Variants in AGPAT3 observed in about 807,000 individuals in gnomAD.
AGPAT3 encodes 1-acylglycerol-3-phosphate O-acyltransferase 3, also known as 1-acyl-sn-glycerol-3-phosphate acyltransferase gamma.
Under a neutral mutation model 47.3 loss-of-function variants are expected in AGPAT3, and 5 were observed. The ratio of observed to expected loss-of-function variants is 0.11; its 90% CI spans 0.06 to 0.22. The LOEUF (loss-of-function observed/expected upper bound fraction) is 0.22. Among genes scored for constraint, AGPAT3 ranks in the 10% least tolerant of loss-of-function variants. The probability of loss-of-function intolerance (pLI) is 1.00; values close to 1 mark genes in which losing one functional copy is unlikely to be tolerated. For missense variants in AGPAT3, 315 were observed against 493.0 expected (o/e 0.64, Z 3.42); for synonymous variants, 212 against 208.3 (o/e 1.02, Z -0.15).
chr21:43,936,343 G>A (rs1380335769), intron 2 of AGPAT3, among the ~76,000 whole-genome samples: 1 of 152,242 alleles, frequency 6.6e-6, no homozygotes, highest in Non-Finnish European at 1.5e-5. Context: ...GTTTACCGGG[G>A]GCTGTGGACT....
chr21:43,885,840 TGCGCAGGG>T (rs897122344), intron 1 of AGPAT3, among the ~76,000 whole-genome samples: 1 of 139,486 alleles, frequency 7.2e-6, no homozygotes, highest in African/African-American at 2.5e-5. Flanking sequence ...GGTGCGCAGG[TGCGCAGGG>T]CTCCTGTGGG....
intron 1 of AGPAT3, among the ~76,000 whole-genome samples, chr21:43,895,770 T>C (rs1334903789): frequency 1.3e-5 from 2 of 151,918 alleles, no homozygotes; most frequent in African/African-American, 2.4e-5. Context: ...TTCTTTGTTT[T>C]TCGTGGGTTT....
In AGPAT3 at chr21:43,981,072, G is replaced by T; in HGVS notation, c.927G>T (p.Leu309=). ...FKPARRPWTL[L]NFLSWATILL... is the part of the protein sequence containing the mutation. ...CTGCCCGGAGGCCGTGGACCCTCCTGAACTTCCTGTCCTGGGCCACCATTC... is the reference window on the plus strand; with the variant it reads ...CTGCCCGGAGGCCGTGGACCCTCCTTAACTTCCTGTCCTGGGCCACCATTC... The change falls in exon 9 of 10, where the codon CTG becomes CTT. Residue 309 remains leucine, a synonymous_variant. Transcript: ENST00000291572. The surrounding 1 kb of genome is among the most constrained non-coding windows in gnomAD (Gnocchi z 5.3). 1 of 1,614,206 alleles carries T rather than the reference G, an allele frequency of 6.2e-7. No homozygotes were observed.
intron 8 of AGPAT3, among the ~76,000 whole-genome samples, chr21:43,980,209 G>A (rs191242952): frequency 0.011 from 1,619 of 149,198 alleles, 29 homozygotes; most frequent in African/African-American, 0.038. Context: ...CCGGGAGACA[G>A]AGGTTGCAGT....
intron 2 of AGPAT3, among the ~76,000 whole-genome samples, chr21:43,944,684 A>T (rs1293651281): frequency 6.6e-6 from 1 of 152,110 alleles, no homozygotes; most frequent in African/African-American, 2.4e-5. Context: ...GTGCAGTGGG[A>T]TTATTAGGGA....
intron 3 of AGPAT3, among the ~76,000 whole-genome samples, chr21:43,962,982 G>C (rs2088949099): frequency 6.6e-6 from 1 of 152,014 alleles, no homozygotes; most frequent in South Asian, 2.1e-4. Context: ...TTACAGACAG[G>C]TTTTGTATCA....
intron 8 of AGPAT3, among the ~76,000 whole-genome samples, chr21:43,978,857 C>G (rs1180635453): frequency 6.6e-6 from 1 of 152,186 alleles, no homozygotes; most frequent in East Asian, 1.9e-4. Flanking sequence ...TTACTCAGCC[C>G]AAGAACTACT....
intron 3 of AGPAT3, among the ~76,000 whole-genome samples, chr21:43,963,955 A>G (rs2089003236): frequency 1.3e-5 from 2 of 152,282 alleles, no homozygotes; most frequent in South Asian, 2.1e-4. Flanking sequence ...TTTACTGCCC[A>G]TAGATCTTCA....
At chr21:43,937,810 A>G (rs2146338236) in intron 2 of AGPAT3, among the ~76,000 whole-genome samples, 1 of 152,212 alleles carries the variant, frequency 6.6e-6, no homozygotes, top group Non-Finnish European at 1.5e-5. Flanking sequence ...CTCTCTCATT[A>G]ACTATCTCTA....
rs1569090227 is a variant in AGPAT3 at position 43,957,638 on chromosome 21, ATCTCGGGTTTCCCCCTCCACACGGGGG to A, written c.-48-1974_-48-1948del. On this transcript the variant is annotated intron_variant, in intron 2 of 9. Coordinates refer to ENST00000291572, the MANE Select transcript of AGPAT3 (RefSeq NM_020132.5). ...CTCGGGTTTCCCCCTGCACACAGGG[ATCTCGGGTTTCCCCCTCCACACGGGGG>A]TCTCGGGTTTCCCCCTCCACAGGGG... 1.1e-3 allele frequency among the ~76,000 whole-genome samples: 120 copies of A among 106,682 alleles called. 1 individual carries two copies. Among genetic ancestry groups the A allele is most frequent in the African/African-American group, 4.2e-3 (110 of 26,176 alleles). The allele number at this position is 106,682 out of a possible 152,430, so 70.0% of individuals were successfully genotyped here. A position where few individuals can be genotyped will look rare whatever the true frequency, so the allele number is the denominator to read the frequency against.
intron 1 of AGPAT3, among the ~76,000 whole-genome samples, chr21:43,902,111 A>C (rs1186800890): frequency 6.6e-6 from 1 of 152,198 alleles, no homozygotes; most frequent in Non-Finnish European, 1.5e-5. Flanking sequence ...ACCCCAATAC[A>C]CACCATCATC....
chr21:43,930,404 G>A lies in AGPAT3; in HGVS notation c.-49+26385G>A, dbSNP rs2087201568. On this transcript the variant is annotated intron_variant, in intron 2 of 9. Coordinates refer to ENST00000291572, the MANE Select transcript of AGPAT3 (RefSeq NM_020132.5). This position sits in a 1 kb window ranked among gnomAD's most constrained non-coding sequence, Gnocchi z 5.0. ...TGTGCTGAGCGCTGAGGGATCATTTGTGTAAAGCACCTGCCACTGAGTGTG... is the reference window on the plus strand; with the variant it reads ...TGTGCTGAGCGCTGAGGGATCATTTATGTAAAGCACCTGCCACTGAGTGTG... Among the ~76,000 whole-genome samples the A allele has an allele frequency of 6.6e-6, 1 of 152,190 alleles. No homozygotes were observed. Among genetic ancestry groups the A allele is most frequent in the Non-Finnish European group, 1.5e-5 (1 of 68,028 alleles).
At chr21:43,898,841 CT>C (rs1295354231) in intron 1 of AGPAT3, among the ~76,000 whole-genome samples, 1 of 151,866 alleles carries the variant, frequency 6.6e-6, no homozygotes, top group East Asian at 1.9e-4. Context: ...TATTTAAATT[CT>C]TTTTTACTTT....
At chr21:43,951,078 C>G (rs972328206) in intron 2 of AGPAT3, among the ~76,000 whole-genome samples, 3 of 152,184 alleles carry the variant, frequency 2.0e-5, no homozygotes, top group Non-Finnish European at 4.4e-5. Flanking sequence ...TGGAGCTTTC[C>G]CCAGCACCCA....
chr21:43,878,039 C>G (rs2085772441), intron 1 of AGPAT3, among the ~76,000 whole-genome samples: 1 of 152,162 alleles, frequency 6.6e-6, no homozygotes, highest in Admixed American at 6.5e-5. Flanking sequence ...GATCCCATCA[C>G]ACTTGTTCCC....
In AGPAT3 at chr21:43,933,499, T is replaced by G. The variant is rs2087328711; in HGVS notation, c.-48-26135T>G. Among the ~76,000 whole-genome samples, 2 of 152,200 alleles carry G rather than the reference T, an allele frequency of 1.3e-5. No individual in the cohort carries two copies. Among genetic ancestry groups the G allele is most frequent in the South Asian group, 4.2e-4 (2 of 4,818 alleles). ...AATATCGATGATGTCATCATACTCC[T>G]GGCTGCTTCTTGACATTTTCCATGC... On this transcript the variant is annotated intron_variant, in intron 2 of 9. Transcript: ENST00000291572. The surrounding 1 kb of genome is among the most constrained non-coding windows in gnomAD (Gnocchi z 6.0).
chr21:43,913,776 C>T (rs894412048), intron 2 of AGPAT3, among the ~76,000 whole-genome samples: 8 of 152,136 alleles, frequency 5.3e-5, no homozygotes, highest in East Asian at 1.9e-4. Context: ...TGCTGAATCC[C>T]GCAGGGCACA....
intron 3 of AGPAT3, among the ~76,000 whole-genome samples, chr21:43,963,917 G>A (rs1189294283): frequency 2.0e-5 from 3 of 151,762 alleles, no homozygotes; most frequent in Non-Finnish European, 4.4e-5. Context: ...AAAATAAAAA[G>A]GTTTTGGTAA....
intron 1 of AGPAT3, among the ~76,000 whole-genome samples, chr21:43,897,114 GTGTTTGT>G (rs1203034804): frequency 6.6e-6 from 1 of 151,974 alleles, no homozygotes; most frequent in Non-Finnish European, 1.5e-5. Context: ...GCCTTCCGCA[GTGTTTGT>G]GTCCCTGGGT....
Sources: allele counts gnomAD v4.1 joint callset (sites outside exome capture counted in the v4.1 genomes callset), GRCh38; gene constraint gnomAD v4.1.1; non-coding constraint Gnocchi (gnomAD v3.1); transcripts MANE v1.5; gene names NCBI Gene and HGNC (gene_info 2026-07-23, HGNC 2026-07-21).